CELF1: variants seen among roughly 807,000 people sequenced by gnomAD.
CELF1 encodes the protein 50 kDa nuclear polyadenylated RNA-binding protein.
Under a neutral mutation model 61.8 loss-of-function variants are expected in CELF1, and 10 were observed. That is an observed-to-expected ratio of 0.16 (90% CI 0.10 to 0.27). The LOEUF is 0.27. CELF1 is among the 10% of genes least tolerant of loss of function. CELF1 has a pLI of 1.00. For missense variants in CELF1, 380 were observed against 639.1 expected (o/e 0.59, Z 4.37); for synonymous variants, 236 against 225.1 (o/e 1.05, Z -0.43).
At chr11:47,513,428 AG>A (rs1356365912) in intron 1 of CELF1, among the ~76,000 whole-genome samples, 6 of 150,908 alleles carry the variant, frequency 4.0e-5, no homozygotes, top group African/African-American at 1.5e-4. Context: ...CTGAAATTGC[AG>A]GTACTGTAAA....
At chr11:47,512,148 G>T (rs115772049) in intron 1 of CELF1, among the ~76,000 whole-genome samples, 2 of 150,910 alleles carry the variant, frequency 1.3e-5, no homozygotes, top group African/African-American at 4.9e-5. Flanking sequence ...CACTGTGCCC[G>T]GTTTTTTGTT....
chr11:47,517,074 T>C (rs2095595911), intron 1 of CELF1, among the ~76,000 whole-genome samples: 1 of 151,892 alleles, frequency 6.6e-6, no homozygotes, highest in Non-Finnish European at 1.5e-5. Context: ...TAGTGAGACT[T>C]ATCTCTACAA....
upstream of CELF1, among the ~76,000 whole-genome samples, chr11:47,554,971 A>G (rs548666357): frequency 6.6e-6 from 1 of 152,128 alleles, no homozygotes; most frequent in South Asian, 2.1e-4. Flanking sequence ...GCCTCACAGT[A>G]TATTTTGTAT....
chr11:47,541,727 AACGAAAGAAAG>A (rs2096792032), intron 1 of CELF1, among the ~76,000 whole-genome samples: 1 of 7,696 alleles, frequency 1.3e-4, no homozygotes, highest in African/African-American at 3.0e-4. Flanking sequence ...AGAAAGAAAG[AACGAAAGAAAG>A]AACGAAAGAA....
Position 47,525,044 on chromosome 11 carries a change from G to C in CELF1, c.-153-24112C>G, listed in dbSNP as rs200132627. 2.0e-5 allele frequency among the ~76,000 whole-genome samples: 3 copies of C among 152,294 alleles called. No homozygotes were observed. The East Asian group carries it at 5.8e-4, about 29-fold the overall frequency. On this transcript the variant is annotated intron_variant, in intron 1 of 14. Coordinates refer to ENST00000687097, the MANE Select transcript of CELF1 (RefSeq NM_001376376.1). The stretch of plus-strand genomic sequence containing the variant: ...AGGTCAGATTCTTCCCAGATCAGCA[G>C]TAGTGGTGAGGCTCAATTTATCATT...
In CELF1 at chr11:47,551,720, G is replaced by A. The variant is rs551492381; in HGVS notation, c.-154+1272C>T. ...AAAGACAGTGAAAAGAACTTTAAAA[G>A]GTGAAGTTCCGGGCGGGGGCGGTGG... On this transcript the variant is annotated intron_variant, in intron 1 of 14. Coordinates refer to ENST00000687097, the MANE Select transcript of CELF1 (RefSeq NM_001376376.1). 1.9e-3 allele frequency among the ~76,000 whole-genome samples: 290 copies of A among 152,334 alleles called. 1 individual carries two copies. The highest frequency in any genetic ancestry group is 0.014 in the Middle Eastern group (4 of 294).
intron 1 of CELF1, among the ~76,000 whole-genome samples, chr11:47,550,447 C>A (rs910200636): frequency 6.6e-6 from 1 of 152,106 alleles, no homozygotes; most frequent in Admixed American, 6.6e-5. Flanking sequence ...AGGAGAACTG[C>A]TTGAGCCCGG....
chr11:47,504,075 T>G (rs1483337577), intron 1 of CELF1, among the ~76,000 whole-genome samples: 2 of 152,126 alleles, frequency 1.3e-5, no homozygotes, highest in Non-Finnish European at 1.5e-5. Context: ...CTCAGGAGGC[T>G]GAGGCAGGAG....
chr11:47,494,108 C>T (rs1203661617), intron 3 of CELF1, among the ~76,000 whole-genome samples: 1 of 152,130 alleles, frequency 6.6e-6, no homozygotes, highest in Non-Finnish European at 1.5e-5. Flanking sequence ...CTATAGTGTC[C>T]CTGTCATTCC....
chr11:47,525,237 A>G (rs2096175883), intron 1 of CELF1, among the ~76,000 whole-genome samples: 1 of 152,218 alleles, frequency 6.6e-6, no homozygotes, highest in Non-Finnish European at 1.5e-5. Flanking sequence ...AAACTCTAAT[A>G]TAATTTTTAA....
chr11:47,560,316 A>G (rs1049140993), intron 2 of CELF1, among the ~76,000 whole-genome samples: 5 of 152,048 alleles, frequency 3.3e-5, no homozygotes. Context: ...AAAAGGCCAG[A>G]GGCATGAGAA....
At chr11:47,492,624 C>T (rs574238609) in intron 3 of CELF1, among the ~76,000 whole-genome samples, 10 of 152,112 alleles carry the variant, frequency 6.6e-5, no homozygotes, top group African/African-American at 2.4e-4. Context: ...CCCAGCTACT[C>T]GGGAGGCTAA....
At chr11:47,552,291 C>G (rs947783866) in intron 1 of CELF1, among the ~76,000 whole-genome samples, 2 of 152,108 alleles carry the variant, frequency 1.3e-5, no homozygotes, top group African/African-American at 4.8e-5. Flanking sequence ...CCAAGAATTA[C>G]AACAACATCC....
chr11:47,533,081 TC>T (rs2096529724), intron 1 of CELF1, among the ~76,000 whole-genome samples: 1 of 151,996 alleles, frequency 6.6e-6, no homozygotes. Context: ...CTTTTTTTTT[TC>T]TATCACAGTA....
chr11:47,522,355 A>G lies in CELF1; in HGVS notation c.-153-21423T>C, dbSNP rs140798731. Among the ~76,000 whole-genome samples, 831 of 150,214 alleles carry G rather than the reference A, an allele frequency of 5.5e-3. 8 individuals carry two copies. Among genetic ancestry groups the G allele is most frequent in the African/African-American group, 0.02 (803 of 40,856 alleles). ...AGCCTGGCCAACATGGTGAAACCCC[A>G]TCTCTACTAAAAATACAAAAATTAG... On this transcript the variant is annotated intron_variant, in intron 1 of 14. Transcript: ENST00000687097.
chr11:47,481,528 T>C (rs1295321389), intron 9 of CELF1, among the ~76,000 whole-genome samples: 3 of 152,172 alleles, frequency 2.0e-5, no homozygotes, highest in Non-Finnish European at 4.4e-5. Context: ...TTTTGTCTGT[T>C]TCCATACAGA....
chr11:47,534,832 G>A (rs80256421), intron 1 of CELF1, among the ~76,000 whole-genome samples: 2,424 of 152,096 alleles, frequency 0.016, 50 homozygotes, highest in African/African-American at 0.048. Context: ...GTTAAATTAC[G>A]TTTAGGGAGA....
At chr11:47,544,066 AG>A (rs2096874156) in intron 1 of CELF1, among the ~76,000 whole-genome samples, 1 of 152,244 alleles carries the variant, frequency 6.6e-6, no homozygotes, top group African/African-American at 2.4e-5. Context: ...GTATTCCACA[AG>A]GAACAACGTC....
intron 2 of CELF1, among the ~76,000 whole-genome samples, chr11:47,500,518 T>A (rs2093760728): frequency 6.6e-6 from 1 of 152,192 alleles, no homozygotes; most frequent in South Asian, 2.1e-4. Context: ...ACTTTAGTGA[T>A]AATAATGAAA....
Sources: allele counts gnomAD v4.1 joint callset (sites outside exome capture counted in the v4.1 genomes callset), GRCh38; gene constraint gnomAD v4.1.1; transcripts MANE v1.5; gene names NCBI Gene and HGNC (gene_info 2026-07-23, HGNC 2026-07-21).